The following SEZ6L variants were observed in gnomAD, a reference collection of about 807,000 sequenced individuals.
SEZ6L encodes the protein seizure related 6 homolog like.
In SEZ6L, 37 loss-of-function variants were observed where a neutral mutation model predicts 106.2. The ratio of observed to expected loss-of-function variants is 0.35; its 90% CI spans 0.27 to 0.46. SEZ6L has a LOEUF of 0.46. SEZ6L is among the 20% of genes least tolerant of loss of function. The pLI, the probability that SEZ6L is intolerant of heterozygous loss-of-function variation, is 1.00. For missense variants in SEZ6L, 1,172 were observed against 1,332.8 expected, an observed-to-expected ratio of 0.88 and a Z score of 1.88; for synonymous variants, 541 against 570.4, an observed-to-expected ratio of 0.95 and a Z score of 0.73.
intron 1 of SEZ6L, among the ~76,000 whole-genome samples, chr22:26,181,601 G>A (rs77717041): frequency 6.6e-6 from 1 of 152,110 alleles, no homozygotes; most frequent in Non-Finnish European, 1.5e-5. Context: ...TTGTTAATCC[G>A]ACTGTGTAAG....
intron 10 of SEZ6L, among the ~76,000 whole-genome samples, chr22:26,342,588 C>G (rs1270091077): frequency 6.6e-6 from 1 of 151,616 alleles, no homozygotes; most frequent in East Asian, 1.9e-4. Flanking sequence ...CCCAGCTACT[C>G]GGGAGGCTGA....
chr22:26,198,959 C>T (rs1262423906), intron 1 of SEZ6L, among the ~76,000 whole-genome samples: 1 of 152,226 alleles, frequency 6.6e-6, no homozygotes, highest in South Asian at 2.1e-4. Context: ...CAATGGGAAG[C>T]TGGTGGGAAT....
chr22:26,364,790 T>G (rs1056173993), intron 12 of SEZ6L: 1 of 153,518 alleles, frequency 6.5e-6, no homozygotes, highest in African/African-American at 2.4e-5. Context: ...GACTGACGAC[T>G]CAATTCACGG....
chr22:26,277,769 G>T (rs1157437297), intron 1 of SEZ6L, among the ~76,000 whole-genome samples: 1 of 152,148 alleles, frequency 6.6e-6, no homozygotes, highest in East Asian at 1.9e-4. Flanking sequence ...TCAGAACCAT[G>T]GCCACAGAAT....
intron 1 of SEZ6L, among the ~76,000 whole-genome samples, chr22:26,207,109 T>C (rs780426665): frequency 5.3e-5 from 8 of 152,198 alleles, no homozygotes; most frequent in Non-Finnish European, 7.3e-5. Flanking sequence ...AAGGTAGACG[T>C]TGGGACAGTT....
At chr22:26,370,277 C>T (rs2083983644) in intron 13 of SEZ6L, among the ~76,000 whole-genome samples, 2 of 151,854 alleles carry the variant, frequency 1.3e-5, no homozygotes, top group African/African-American at 4.8e-5. Flanking sequence ...CCCAGCTACT[C>T]AGGAGGCTGA....
In SEZ6L at chr22:26,306,142, C is replaced by A. The variant is rs757564984; in HGVS notation, c.1512C>A (p.Asp504Glu). 9.3e-6 allele frequency: 15 copies of A among 1,613,132 alleles called. No homozygotes were observed. Among genetic ancestry groups the A allele is most frequent in the Non-Finnish European group, 1.3e-5 (15 of 1,179,976 alleles). Residue 504 changes from aspartate (D) to glutamate (E), a missense_variant and splice_region_variant, in exon 6 of 17, where the codon GAC becomes GAA. Asp to Glu is a conservative substitution (Grantham distance 45). Around this residue, in one of 4 missense-constraint regions of SEZ6L, gnomAD observed 534 missense variants for 691.0 expected, o/e 0.77. Transcript: ENST00000248933. Reference protein sequence around the residue: ...HFERLLLHDKDRMTVHSGQTN... With the variant: ...HFERLLLHDKERMTVHSGQTN... Reference sequence around the variant, plus strand: ...AGAGGCTGTTGCTGCATGACAAGGACAGGTAAAGCTCTGAAGGTCCACACC... The same window carrying A: ...AGAGGCTGTTGCTGCATGACAAGGAAAGGTAAAGCTCTGAAGGTCCACACC...
chr22:26,246,983 G>C (rs1351535008), intron 1 of SEZ6L, among the ~76,000 whole-genome samples: 1 of 152,158 alleles, frequency 6.6e-6, no homozygotes. Context: ...GTGCGAACGT[G>C]CTTTGCAGAC....
intron 1 of SEZ6L, among the ~76,000 whole-genome samples, chr22:26,246,530 C>A (rs2079352386): frequency 6.6e-6 from 1 of 152,034 alleles, no homozygotes; most frequent in Admixed American, 6.5e-5. Context: ...CCCTCTAACT[C>A]CAGACTTTCT....
At chr22:26,276,495 A>G (rs955972380) in intron 1 of SEZ6L, among the ~76,000 whole-genome samples, 7 of 152,236 alleles carry the variant, frequency 4.6e-5, no homozygotes, top group Non-Finnish European at 8.8e-5. Flanking sequence ...CTTACTCATG[A>G]TGGCTTTTAA....
chr22:26,193,683 T>TTTC (rs1940394366), intron 1 of SEZ6L, among the ~76,000 whole-genome samples: 1 of 152,154 alleles, frequency 6.6e-6, no homozygotes, highest in South Asian at 2.1e-4. Flanking sequence ...GAAAAGCAAT[T>TTTC]TTCTCTTTAT....
Position 26,380,496 on chromosome 22 carries a change from G to C in SEZ6L, c.*201G>C. ...ATAGGTGTGGGTTTGGATGTTTCGCGGCCTCAGCCAAATTCATGTTACAGC... is the reference window on the plus strand; with the variant it reads ...ATAGGTGTGGGTTTGGATGTTTCGCCGCCTCAGCCAAATTCATGTTACAGC... On this transcript the variant is annotated 3_prime_UTR_variant, in exon 17 of 17. Transcript: ENST00000248933. 2.2e-6 allele frequency: 1 copy of C among 450,256 alleles called. No individual in the cohort carries two copies. The highest frequency in any genetic ancestry group is 3.9e-6 in the Non-Finnish European group (1 of 253,512). The allele number at this position is 450,256 out of a possible 1,614,324, so 27.9% of individuals were successfully genotyped here.
At chr22:26,303,053 A>G (rs974717819) in intron 5 of SEZ6L, among the ~76,000 whole-genome samples, 5 of 152,220 alleles carry the variant, frequency 3.3e-5, no homozygotes, top group African/African-American at 9.7e-5. Flanking sequence ...AGGAGGGTGG[A>G]CTTATCACCA....
intron 1 of SEZ6L, among the ~76,000 whole-genome samples, chr22:26,178,313 G>C (rs1456525275): frequency 6.6e-6 from 1 of 152,178 alleles, no homozygotes; most frequent in Non-Finnish European, 1.5e-5. Flanking sequence ...GCAAGCAAGA[G>C]TTAAATGAAG....
At chr22:26,241,287 ATCG>A (rs2079122182) in intron 1 of SEZ6L, 1 of 152,098 alleles carries the variant, frequency 6.6e-6, no homozygotes, top group Non-Finnish European at 1.5e-5. Flanking sequence ...AGAGGAATGG[ATCG>A]TCATCTTCCT....
intron 1 of SEZ6L, among the ~76,000 whole-genome samples, chr22:26,189,873 G>A (rs557330830): frequency 2.6e-5 from 4 of 152,192 alleles, no homozygotes; most frequent in African/African-American, 9.6e-5. Context: ...CGAGGCGGGC[G>A]GGTCACGAGG....
intron 1 of SEZ6L, among the ~76,000 whole-genome samples, chr22:26,269,844 C>T (rs953607439): frequency 9.9e-5 from 15 of 152,140 alleles, no homozygotes; most frequent in African/African-American, 3.1e-4. Flanking sequence ...TTATCTCGGC[C>T]ACCAGTGTTG....
intron 1 of SEZ6L, among the ~76,000 whole-genome samples, chr22:26,190,792 G>A (rs1048755708): frequency 1.3e-4 from 20 of 152,322 alleles, no homozygotes; most frequent in African/African-American, 4.8e-4. Context: ...AGTCCAGCAT[G>A]TTAAGGAACT....
intron 1 of SEZ6L, among the ~76,000 whole-genome samples, chr22:26,269,708 G>A (rs137180): frequency 0.72 from 110,191 of 152,206 alleles, 41,323 homozygotes; most frequent in African/African-American, 0.93. Context: ...CTAATAAAGC[G>A]TGTTATCCTG....
Sources: gnomAD v4.1 joint callset for allele counts (sites outside exome capture counted in the v4.1 genomes callset) on GRCh38, gnomAD v4.1.1 for gene constraint, gnomAD v4.1.1 regional missense constraint, MANE v1.5 for transcripts, NCBI Gene and HGNC (gene_info 2026-07-23, HGNC 2026-07-21) for gene names.